The following CABIN1 variants were observed in gnomAD, a reference collection of about 807,000 sequenced individuals.
The protein encoded by CABIN1 is calcineurin-binding protein cabin-1.
A neutral mutation model predicts 227.7 loss-of-function variants in CABIN1; 133 were observed. The observed-to-expected ratio is 0.58, with a 90% CI of 0.51 to 0.67. CABIN1 has a LOEUF of 0.67. CABIN1 is among the 30% of genes least tolerant of loss of function. The pLI, the probability that CABIN1 is intolerant of heterozygous loss-of-function variation, is 0.00. For missense variants in CABIN1, 2,408 were observed against 2,852.5 expected, an observed-to-expected ratio of 0.84 and a Z score of 3.55; for synonymous variants, 1,086 against 1,155.1, an observed-to-expected ratio of 0.94 and a Z score of 1.21.
chr22:24,135,574 C>G (rs946276903), intron 29 of CABIN1, among the ~76,000 whole-genome samples: 1 of 152,194 alleles, frequency 6.6e-6, no homozygotes, highest in Non-Finnish European at 1.5e-5. Context: ...CCCCCATTTC[C>G]TCTGTCCTGC....
At chr22:24,166,297 C>T (rs114762672) in intron 31 of CABIN1, among the ~76,000 whole-genome samples, 1,933 of 152,308 alleles carry the variant, frequency 0.013, 35 homozygotes, top group African/African-American at 0.044. Context: ...CCGGAGTTCA[C>T]GTCATGGAGT....
chr22:24,148,161 G>C (rs1163314779), intron 29 of CABIN1, among the ~76,000 whole-genome samples: 1 of 152,142 alleles, frequency 6.6e-6, no homozygotes, highest in Non-Finnish European at 1.5e-5. Context: ...ACAGAGCACT[G>C]GGTGCTCACT....
intron 29 of CABIN1, among the ~76,000 whole-genome samples, chr22:24,154,064 G>A (rs2045644253): frequency 6.6e-6 from 1 of 152,198 alleles, no homozygotes; most frequent in African/African-American, 2.4e-5. Context: ...AGAGCTAGGT[G>A]CTGCCCGTGA....
chr22:24,091,470 G>A, intron 23 of CABIN1, 113 bp from the exon 24 acceptor site: 4 of 1,297,416 alleles, frequency 3.1e-6, no homozygotes, highest in African/African-American at 1.4e-5. Context: ...TGTCTTGGTT[G>A]TTAAGAGGAG....
chr22:24,128,730 A>G (rs1387445473), intron 28 of CABIN1, among the ~76,000 whole-genome samples: 2 of 152,174 alleles, frequency 1.3e-5, no homozygotes, highest in Non-Finnish European at 2.9e-5. Context: ...CCCCGTGCCA[A>G]TGCCTGAGGT....
At chr22:24,067,297 A>G (rs141648238) in intron 16 of CABIN1, 116 bp downstream of exon 16, 58 of 1,069,226 alleles carry the variant, frequency 5.4e-5, no homozygotes, top group Non-Finnish European at 7.8e-5. Context: ...AAGAGAGTGG[A>G]TGTCAAAACC....
At chr22:24,145,051 G>A (rs1309637608) in intron 29 of CABIN1, among the ~76,000 whole-genome samples, 1 of 152,216 alleles carries the variant, frequency 6.6e-6, no homozygotes, top group Non-Finnish European at 1.5e-5. Flanking sequence ...AGCAGAAGAT[G>A]CAGCATGAGG....
intron 15 of CABIN1, among the ~76,000 whole-genome samples, chr22:24,066,243 G>GCACAC (rs1264944615): frequency 6.6e-6 from 1 of 152,194 alleles, no homozygotes; most frequent in Non-Finnish European, 1.5e-5. Flanking sequence ...CAGATCCTTG[G>GCACAC]TGGAAAGCAG....
intron 15 of CABIN1, among the ~76,000 whole-genome samples, chr22:24,066,387 T>C (rs1054790102): frequency 6.6e-6 from 1 of 152,232 alleles, no homozygotes; most frequent in African/African-American, 2.4e-5. Context: ...GCCATGGGGT[T>C]GAGTCAGCAG....
chr22:24,026,617 G>T (rs1424117945), intron 1 of CABIN1, among the ~76,000 whole-genome samples: 2 of 152,018 alleles, frequency 1.3e-5, no homozygotes, highest in Non-Finnish European at 2.9e-5. Flanking sequence ...ATGTTCAGTT[G>T]TTCCGGAACC....
intron 28 of CABIN1, among the ~76,000 whole-genome samples, chr22:24,126,127 C>T (rs1021865605): frequency 6.6e-6 from 1 of 152,232 alleles, no homozygotes; most frequent in African/African-American, 2.4e-5. Context: ...GTGCTCCCCC[C>T]AGTGTGTTTT....
chr22:24,054,744 C>A, intron 8 of CABIN1, 129 bp from the exon 9 acceptor site: 1 of 1,140,500 alleles, frequency 8.8e-7, no homozygotes, highest in Non-Finnish European at 1.3e-6. Flanking sequence ...GATCACCTCC[C>A]CCACCCCCAT....
At position 24,168,536 on chromosome 22, in the gene CABIN1, G is replaced by C. The variant is rs1339644447; in HGVS notation, c.5757+15G>C. 6.5e-7 allele frequency: 1 copy of C among 1,544,954 alleles called. No homozygotes were observed. Among genetic ancestry groups the C allele is most frequent in the African/African-American group, 1.4e-5 (1 of 73,086 alleles). On this transcript the variant is annotated intron_variant, in intron 33 of 36. Coordinates refer to ENST00000263119, the MANE Select transcript of CABIN1 (RefSeq NM_012295.4). Reference sequence around the variant, plus strand: ...CCCAGAGACAGGTAAGCCCAATTTAGCCTGTGCCAGCCTCATCTTGCGGAG... The same window carrying C: ...CCCAGAGACAGGTAAGCCCAATTTACCCTGTGCCAGCCTCATCTTGCGGAG...
Position 24,050,043 on chromosome 22 carries a change from C to T in CABIN1, c.657-782C>T, listed in dbSNP as rs1183997562. Among the ~76,000 whole-genome samples, 4 of 152,176 alleles carry T rather than the reference C, an allele frequency of 2.6e-5. No individual in the cohort carries two copies. The East Asian group carries it at 5.8e-4, about 22-fold the overall frequency. On this transcript the variant is annotated intron_variant, in intron 7 of 36. Coordinates refer to ENST00000263119, the MANE Select transcript of CABIN1 (RefSeq NM_012295.4). Reference sequence around the variant, plus strand: ...GCTTTCTGAGCTCTAGCTGCCCTTCCCCACAGCCCTCCAGCCCAGCCAACT... The same window carrying T: ...GCTTTCTGAGCTCTAGCTGCCCTTCTCCACAGCCCTCCAGCCCAGCCAACT...
In CABIN1 at chr22:24,038,406, T is replaced by C. The variant is rs2037093718; in HGVS notation, c.155T>C (p.Phe52Ser). The C allele has an allele frequency of 6.2e-7, 1 of 1,614,086 alleles. No homozygotes were observed. Among genetic ancestry groups the C allele is most frequent in the South Asian group, 1.1e-5 (1 of 91,078 alleles). ...CTTGATCTGCAGAAACATGACCGGT[T>C]TGAGGAGTCTGCCAAAGCCTACCAT... ...KALDLQKHDRFEESAKAYHEL... is the reference protein window; with the variant it reads ...KALDLQKHDRSEESAKAYHEL... The change falls in exon 4 of 37, where the codon TTT becomes TCT. Residue 52 changes from phenylalanine to serine, a missense_variant. By Grantham distance (155) the Phe-to-Ser change is radical. Coordinates refer to ENST00000263119, the MANE Select transcript of CABIN1 (RefSeq NM_012295.4).
chr22:24,128,950 AG>A (rs1442898671), intron 28 of CABIN1, among the ~76,000 whole-genome samples: 1 of 152,184 alleles, frequency 6.6e-6, no homozygotes, highest in Non-Finnish European at 1.5e-5. Context: ...GGCAGGAGGT[AG>A]TTAAGTGGTG....
rs553654172 is a variant in CABIN1, at chr22:24,064,275, G to T, written c.2037+88G>T. The T allele has an allele frequency of 2.9e-6, 4 of 1,385,998 alleles. No homozygotes were observed. In the South Asian group the frequency reaches 4.7e-5, roughly 16 times the overall value. 85.9% of individuals were successfully genotyped at this position (1,385,998 alleles called of 1,614,324 possible). A position where few individuals can be genotyped will look rare whatever the true frequency, so the allele number is the denominator to read the frequency against. ...GGCTGGAGTGTAATAGTGCAATCTCGGCTCACTGCAACCTACACCTCTGGG... is the reference window on the plus strand; with the variant it reads ...GGCTGGAGTGTAATAGTGCAATCTCTGCTCACTGCAACCTACACCTCTGGG... On this transcript the variant is annotated intron_variant, in intron 15 of 36. Coordinates refer to ENST00000263119, the MANE Select transcript of CABIN1 (RefSeq NM_012295.4).
intron 19 of CABIN1, among the ~76,000 whole-genome samples, chr22:24,082,804 T>C (rs1055706046): frequency 1.2e-4 from 19 of 152,384 alleles, no homozygotes; most frequent in Admixed American, 2.6e-4. Flanking sequence ...AGTTTAACTT[T>C]ATTCTCTCCA....
At chr22:24,130,797 C>T (rs902397061) in intron 28 of CABIN1, among the ~76,000 whole-genome samples, 1 of 152,310 alleles carries the variant, frequency 6.6e-6, no homozygotes, top group East Asian at 1.9e-4. Flanking sequence ...TTGATCAGCT[C>T]TCTTTCTCTG....
Sources: gnomAD v4.1 joint callset for allele counts (sites outside exome capture counted in the v4.1 genomes callset) on GRCh38, gnomAD v4.1.1 for gene constraint, MANE v1.5 for transcripts, NCBI Gene and HGNC (gene_info 2026-07-23, HGNC 2026-07-21) for gene names.